Variants in HNRNPD observed in about 807,000 individuals in gnomAD.
HNRNPD encodes heterogeneous nuclear ribonucleoprotein D0.
HNRNPD carries 3 observed loss-of-function variants against 47.9 expected under a neutral mutation model. The ratio of observed to expected loss-of-function variants is 0.06; its 90% CI spans 0.03 to 0.16. The LOEUF is 0.16. HNRNPD is among the 10% of genes least tolerant of loss of function. The pLI, the probability that HNRNPD is intolerant of heterozygous loss-of-function variation, is 1.00. For missense variants in HNRNPD, 287 were observed against 454.2 expected (o/e 0.63, Z 3.35); for synonymous variants, 171 against 165.1 (o/e 1.04, Z -0.28).
chr4:82,366,652 C>A (rs895622021), intron 2 of HNRNPD, among the ~76,000 whole-genome samples: 1 of 152,060 alleles, frequency 6.6e-6, no homozygotes, highest in East Asian at 1.9e-4. Context: ...CTGCAACCTC[C>A]GCCTCCAGGG....
In HNRNPD at chr4:82,353,477, TTAAC is replaced by T. The variant is rs1161289892; in HGVS notation, c.*704_*707del. On this transcript the variant is annotated 3_prime_UTR_variant, in exon 9 of 9. Coordinates refer to ENST00000313899, the MANE Select transcript of HNRNPD (RefSeq NM_031370.3). Reference sequence around the variant, plus strand: ...TTTTATTTAATGGAAGCATAAAACATTAACTATCTGTGCAAAGGGGTACTTTTGC... The same window carrying T: ...TTTTATTTAATGGAAGCATAAAACATTATCTGTGCAAAGGGGTACTTTTGC... The T allele has an allele frequency of 2.4e-4, 36 of 152,720 alleles. No individual in the cohort carries two copies. The highest frequency in any genetic ancestry group is 7.2e-4 in the African/African-American group (30 of 41,564). 9.5% of individuals were successfully genotyped at this position (152,720 alleles called of 1,614,324 possible). A position where few individuals can be genotyped will look rare whatever the true frequency, so the allele number is the denominator to read the frequency against.
intron 3 of HNRNPD, among the ~76,000 whole-genome samples, chr4:82,359,161 T>C (rs1377302520): frequency 6.6e-6 from 1 of 152,196 alleles, no homozygotes; most frequent in Non-Finnish European, 1.5e-5. Context: ...CAGTTAAAAG[T>C]TGCTTGCCTA....
chr4:82,373,332 T>C, intron 1 of HNRNPD, 114 bp downstream of exon 1: 1 of 1,336,442 alleles, frequency 7.5e-7, no homozygotes, highest in South Asian at 1.5e-5. Context: ...GCAAGGAGGC[T>C]GCATGGGGGC....
chr4:82,362,762 C>CTTGATTT (rs982507224), intron 2 of HNRNPD, among the ~76,000 whole-genome samples: 2 of 152,002 alleles, frequency 1.3e-5, no homozygotes, highest in African/African-American at 4.8e-5. Flanking sequence ...CCACGCCTGA[C>CTTGATTT]TTGATTTTTG....
At chr4:82,369,711 A>G (rs1037950851) in intron 2 of HNRNPD, among the ~76,000 whole-genome samples, 8 of 152,114 alleles carry the variant, frequency 5.3e-5, no homozygotes, top group Non-Finnish European at 7.4e-5. Flanking sequence ...GAGAGAGAAA[A>G]AAGTCTGAAA....
At chr4:82,357,273 C>G (rs369976293) in intron 5 of HNRNPD, 40 bp downstream of exon 5, 3 of 1,567,708 alleles carry the variant, frequency 1.9e-6, no homozygotes, top group Non-Finnish European at 2.6e-6. Flanking sequence ...CTCTTTACAA[C>G]AGCTAGTTTT....
chr4:82,367,212 G>A (rs1719810661), intron 2 of HNRNPD, among the ~76,000 whole-genome samples: 1 of 151,884 alleles, frequency 6.6e-6, no homozygotes, highest in Non-Finnish European at 1.5e-5. Context: ...TTCACTACAA[G>A]GAAGCAATGA....
intron 2 of HNRNPD, among the ~76,000 whole-genome samples, chr4:82,364,421 ATGAT>A (rs1719640483): frequency 6.6e-6 from 1 of 152,232 alleles, no homozygotes. Context: ...CACATCCTAA[ATGAT>A]TGATAGAAGT....
At chr4:82,358,040 C>T (rs1031291757) in intron 4 of HNRNPD, 1 of 152,238 alleles carries the variant, frequency 6.6e-6, no homozygotes, top group East Asian at 1.9e-4. Flanking sequence ...GAGCCCAAGG[C>T]CACAAATTTC....
chr4:82,371,941 C>G (rs1720065810), intron 1 of HNRNPD, among the ~76,000 whole-genome samples: 1 of 152,114 alleles, frequency 6.6e-6, no homozygotes, highest in Non-Finnish European at 1.5e-5. Flanking sequence ...CACCACTCCC[C>G]CAAAACCAGC....
In HNRNPD at chr4:82,366,183, C is replaced by T. The variant is rs932739552; in HGVS notation, c.290+5345G>A. Among the ~76,000 whole-genome samples, 12 of 152,122 alleles carry T rather than the reference C, an allele frequency of 7.9e-5. 1 individual carries two copies. Among genetic ancestry groups the T allele is most frequent in the African/African-American group, 2.4e-5 (1 of 41,424 alleles). Reference sequence around the variant, plus strand: ...TCATTACTTCACACTTTAGAATGAACCTAACTAAATGACTACTAAAAAGCG... The same window carrying T: ...TCATTACTTCACACTTTAGAATGAATCTAACTAAATGACTACTAAAAAGCG... On this transcript the variant is annotated intron_variant, in intron 2 of 8. Transcript: ENST00000313899.
chr4:82,367,889 T>C (rs1173658482), intron 2 of HNRNPD, among the ~76,000 whole-genome samples: 1 of 152,182 alleles, frequency 6.6e-6, no homozygotes, highest in Non-Finnish European at 1.5e-5. Context: ...TAGTCAATCC[T>C]CCTGTGGTGA....
chr4:82,358,405 A>G, intron 4 of HNRNPD: 2 of 354,744 alleles, frequency 5.6e-6, no homozygotes, highest in Non-Finnish European at 5.1e-6. Flanking sequence ...TCTGTATTTA[A>G]GAATGTTTGT....
chr4:82,359,421 A>G (rs759852242), intron 3 of HNRNPD, 50 bp downstream of exon 3: 5 of 1,288,754 alleles, frequency 3.9e-6, no homozygotes, highest in Admixed American at 4.8e-5. Flanking sequence ...CAAACTATCC[A>G]TATGTTAATA....
Position 82,373,650 on chromosome 4 carries a change from C to T in HNRNPD, c.29G>A (p.Gly10Glu), listed in dbSNP as rs1440481682. The change falls in exon 1 of 9, where the codon GGG (glycine) becomes GAG (glutamate). Residue 10 changes from glycine (G) to glutamate (E), a missense_variant. By Grantham distance (98) the Gly-to-Glu change is moderately conservative (BLOSUM62 -2). Coordinates refer to ENST00000313899, the MANE Select transcript of HNRNPD (RefSeq NM_031370.3). MSEEQFGGD[G>E]AAAAATAAVG... Reference sequence around the variant, plus strand: ...CGCCGCCGTTGCCGCTGCCGCCGCCCCGTCCCCGCCGAACTGCTCCTCCGA... The same window carrying T: ...CGCCGCCGTTGCCGCTGCCGCCGCCTCGTCCCCGCCGAACTGCTCCTCCGA... The T allele has an allele frequency of 3.9e-6, 6 of 1,526,896 alleles. No individual in the cohort carries two copies. Among genetic ancestry groups the T allele is most frequent in the Non-Finnish European group, 5.2e-6 (6 of 1,143,434 alleles). The allele number at this position is 1,526,896 out of a possible 1,614,324, so 94.6% of individuals were successfully genotyped here.
intron 3 of HNRNPD, among the ~76,000 whole-genome samples, chr4:82,359,088 C>T (rs1470352441): frequency 6.6e-6 from 1 of 152,042 alleles, no homozygotes; most frequent in African/African-American, 2.4e-5. Flanking sequence ...CTGCTACTTC[C>T]CTTTAGCACT....
At chr4:82,365,106 G>C (rs928480236) in intron 2 of HNRNPD, among the ~76,000 whole-genome samples, 8 of 152,108 alleles carry the variant, frequency 5.3e-5, no homozygotes, top group Non-Finnish European at 1.2e-4. Context: ...ACCCAGGCTA[G>C]TCACAGAACT....
intron 7 of HNRNPD, chr4:82,356,326 T>C (rs1296191295): frequency 4.2e-6 from 2 of 480,028 alleles, no homozygotes; most frequent in African/African-American, 2.0e-5. Flanking sequence ...AGCAAACATA[T>C]ATAGAACCAC....
chr4:82,366,708 A>G (rs568008179), intron 2 of HNRNPD, among the ~76,000 whole-genome samples: 2 of 151,888 alleles, frequency 1.3e-5, no homozygotes, highest in African/African-American at 4.8e-5. Context: ...CTACAGGCGC[A>G]TGTAACCACA....
Sources: allele counts gnomAD v4.1 joint callset (sites outside exome capture counted in the v4.1 genomes callset), GRCh38; gene constraint gnomAD v4.1.1; transcripts MANE v1.5; gene names NCBI Gene and HGNC (gene_info 2026-07-23, HGNC 2026-07-21).